Variants in GCNT1 observed in about 807,000 individuals in gnomAD.
GCNT1 encodes glucosaminyl (N-acetyl) transferase 1.
In GCNT1, 16 loss-of-function variants were observed where a neutral mutation model predicts 26.2. The ratio of observed to expected loss-of-function variants is 0.61; its 90% CI spans 0.41 to 0.93. The LOEUF (loss-of-function observed/expected upper bound fraction) is 0.93, where lower values mean the gene tolerates loss of function less well. GCNT1 is among the 40% of genes least tolerant of loss of function. The pLI is 0.00. For missense variants in GCNT1, 477 were observed against 526.7 expected, an observed-to-expected ratio of 0.91 and a Z score of 0.92; for synonymous variants, 183 against 190.8, an observed-to-expected ratio of 0.96 and a Z score of 0.34.
intron 1 of GCNT1, among the ~76,000 whole-genome samples, chr9:76,442,870 T>TTTTTTTTTTTTTTTTTTTTTTTTTG (rs1310296650): frequency 6.6e-6 from 1 of 151,314 alleles, no homozygotes; most frequent in Non-Finnish European, 1.5e-5. Flanking sequence ...AGCACTTTTA[T>TTTTTTTTTTTTTTTTTTTTTTTTTG]AGATGTTGGG....
intron 2 of GCNT1, among the ~76,000 whole-genome samples, chr9:76,470,933 G>T (rs1008457334): frequency 6.6e-6 from 1 of 152,178 alleles, no homozygotes; most frequent in African/African-American, 2.4e-5. Flanking sequence ...CGCCAGGCTT[G>T]TTTGTCCTCT....
upstream of GCNT1, among the ~76,000 whole-genome samples, chr9:76,454,397 A>G (rs1823718568): frequency 6.8e-6 from 1 of 146,976 alleles, no homozygotes; most frequent in Non-Finnish European, 1.5e-5. Context: ...AAAAAAAAAA[A>G]AAAAAAAAAA....
At chr9:76,454,366 C>A (rs930651498), upstream of GCNT1, among the ~76,000 whole-genome samples, 1 of 112,720 alleles carries the variant, frequency 8.9e-6, no homozygotes, top group Non-Finnish European at 1.7e-5. Context: ...GCAACAAGAG[C>A]GAAACTCTGT....
At chr9:76,413,661 T>TTGTTTG in the GCNT1 span, among the ~76,000 whole-genome samples, 2 of 114,392 alleles carry the variant, frequency 1.7e-5, no homozygotes, top group Non-Finnish European at 3.9e-5. Flanking sequence ...TTGTTTTTTT[T>TTGTTTG]TTTTTTGTTT....
intron 2 of GCNT1, among the ~76,000 whole-genome samples, chr9:76,491,078 C>G (rs1461285830): frequency 1.3e-5 from 2 of 152,048 alleles, no homozygotes; most frequent in Admixed American, 6.5e-5. Context: ...ACACTTTTTT[C>G]TTTACTACTT....
At chr9:76,468,889 A>C (rs1824066297) in intron 2 of GCNT1, among the ~76,000 whole-genome samples, 1 of 152,212 alleles carries the variant, frequency 6.6e-6, no homozygotes, top group Non-Finnish European at 1.5e-5. Flanking sequence ...TATTGCCAAA[A>C]AATATTGTAC....
chr9:76,436,891 A>T (rs1823417903), upstream of GCNT1, among the ~76,000 whole-genome samples: 1 of 152,128 alleles, frequency 6.6e-6, no homozygotes, highest in South Asian at 2.1e-4. Context: ...TCTCACTCAT[A>T]GGTGGGAATT....
intron 1 of GCNT1, among the ~76,000 whole-genome samples, chr9:76,430,148 C>T (rs1318845609): frequency 5.3e-5 from 8 of 152,092 alleles, no homozygotes; most frequent in Non-Finnish European, 1.0e-4. Flanking sequence ...TATAGTAAAG[C>T]GTTATGTATA....
chr9:76,478,375 G>A (rs113334610), intron 2 of GCNT1, among the ~76,000 whole-genome samples: 33 of 152,260 alleles, frequency 2.2e-4, no homozygotes, highest in African/African-American at 7.5e-4. Context: ...CGCTCACTGC[G>A]AAGGTCTGCG....
At chr9:76,457,132 GC>G (rs1480383836), upstream of GCNT1, among the ~76,000 whole-genome samples, 6 of 152,196 alleles carry the variant, frequency 3.9e-5, no homozygotes, top group Admixed American at 1.3e-4. Flanking sequence ...TGGCTATGCT[GC>G]CCAGGCTGAT....
intron 2 of GCNT1, among the ~76,000 whole-genome samples, chr9:76,490,978 G>A (rs568314934): frequency 6.6e-6 from 1 of 152,396 alleles, no homozygotes; most frequent in South Asian, 2.1e-4. Context: ...TGACAACAAG[G>A]TGGTACTGGA....
intron 2 of GCNT1, among the ~76,000 whole-genome samples, chr9:76,474,648 C>T (rs17062617): frequency 0.025 from 3,792 of 152,154 alleles, 153 homozygotes; most frequent in African/African-American, 0.086. Flanking sequence ...GGAACGTGAA[C>T]GCAGAGGATG....
At chr9:76,419,191 C>G (rs759778707), upstream of GCNT1, among the ~76,000 whole-genome samples, 16 of 152,012 alleles carry the variant, frequency 1.1e-4, no homozygotes, top group African/African-American at 1.9e-4. Flanking sequence ...CCTTATAGCC[C>G]CCATCCCAAT....
At chr9:76,501,879 T>G (rs962646099) in intron 3 of GCNT1, 5 of 152,378 alleles carry the variant, frequency 3.3e-5, no homozygotes, top group Admixed American at 6.5e-5. Context: ...GACTGTTCAA[T>G]CATTATTGCC....
chr9:76,404,148 C>T, the GCNT1 span, among the ~76,000 whole-genome samples: 5 of 152,042 alleles, frequency 3.3e-5, no homozygotes, highest in African/African-American at 1.2e-4. Context: ...GGAATGTGAC[C>T]GTGATGGCAA....
intron 2 of GCNT1, among the ~76,000 whole-genome samples, chr9:76,490,819 A>G (rs1409016868): frequency 6.6e-6 from 1 of 152,198 alleles, no homozygotes; most frequent in Non-Finnish European, 1.5e-5. Context: ...CCTGTTCTGA[A>G]GGGAGTTCCT....
the GCNT1 span, among the ~76,000 whole-genome samples, chr9:76,409,948 A>C: frequency 6.6e-6 from 1 of 151,890 alleles, no homozygotes; most frequent in African/African-American, 2.4e-5. Context: ...AATTTTGATA[A>C]GTTGTGGTTT....
chr9:76,457,135 C>T (rs1823769675), upstream of GCNT1, among the ~76,000 whole-genome samples: 1 of 152,172 alleles, frequency 6.6e-6, no homozygotes, highest in Non-Finnish European at 1.5e-5. Context: ...CTATGCTGCC[C>T]AGGCTGATCT....
the GCNT1 span, among the ~76,000 whole-genome samples, chr9:76,410,199 A>G: frequency 1.2e-4 from 18 of 152,246 alleles, no homozygotes; most frequent in African/African-American, 4.1e-4. Context: ...TGGAAGGCCG[A>G]GGTGGGTGGA....
Sources: gnomAD v4.1 joint callset for allele counts (sites outside exome capture counted in the v4.1 genomes callset) on GRCh38, gnomAD v4.1.1 for gene constraint, MANE v1.5 for transcripts, NCBI Gene and HGNC (gene_info 2026-07-23, HGNC 2026-07-21) for gene names.